Variants in HIGD1A observed in about 807,000 individuals in gnomAD.
The protein encoded by HIGD1A is HIG1 hypoxia inducible domain family member 1A, also known as HIG1 domain family member 1A, mitochondrial.
Under a neutral mutation model 11.3 loss-of-function variants are expected in HIGD1A, and 8 were observed. That is an observed-to-expected ratio of 0.71 (90% CI 0.42 to 1.28). The LOEUF (loss-of-function observed/expected upper bound fraction) is 1.28. Among genes scored for constraint, HIGD1A ranks in the 50% most tolerant of loss-of-function variants. The probability of loss-of-function intolerance (pLI) is 0.01; values close to 1 mark genes in which losing one functional copy is unlikely to be tolerated. For missense variants in HIGD1A, 107 were observed against 118.8 expected, an observed-to-expected ratio of 0.90 and a Z score of 0.46; for synonymous variants, 32 against 38.4, an observed-to-expected ratio of 0.83 and a Z score of 0.62.
Position 42,794,150 on chromosome 3 carries a change from A to G in HIGD1A, c.97+7T>C, listed in dbSNP as rs762471552. 8.1e-6 allele frequency: 13 copies of G among 1,599,316 alleles called. No individual in the cohort carries two copies. The African/African-American group carries it at 1.6e-4, about 20-fold the overall frequency. On this transcript the variant is annotated splice_region_variant and intron_variant, in intron 2 of 3. Coordinates refer to ENST00000321331, the MANE Select transcript of HIGD1A (RefSeq NM_014056.4). ...TTCAAGACTACTAAAATGTCAGTCA[A>G]ACTTACCAACGGGTACGAATGGTGC...
At chr3:42,804,297 A>C (rs1575367384) in intron 1 of HIGD1A, 139 bp downstream of exon 1, 2 of 1,110,566 alleles carry the variant, frequency 1.8e-6, no homozygotes, top group Non-Finnish European at 2.6e-6. Context: ...CGGCAACTCC[A>C]CCTCTCCTCC....
chr3:42,787,594 A>AAAAAAAAATAT (rs1383516264), intron 2 of HIGD1A, among the ~76,000 whole-genome samples: 16 of 141,244 alleles, frequency 1.1e-4, no homozygotes, highest in East Asian at 8.4e-4. Flanking sequence ...CCATCTCAAA[A>AAAAAAAAATAT]ATATATATAT....
At position 42,786,286 on chromosome 3, in the gene HIGD1A, T is replaced by C. The variant is rs376723958; in HGVS notation, c.98-124A>G. 23 of 1,127,116 alleles carry C rather than the reference T, an allele frequency of 2.0e-5. No homozygotes were observed. In the South Asian group the frequency reaches 2.5e-4, roughly 12 times the overall value. 69.8% of individuals were successfully genotyped at this position (1,127,116 alleles called of 1,614,324 possible). ...TTATCAGATCATTAATTAGCTAACA[T>C]ACAAATTGAGTTTTTCATGTTTTCC... On this transcript the variant is annotated intron_variant, in intron 2 of 3. Transcript: ENST00000321331.
intron 2 of HIGD1A, among the ~76,000 whole-genome samples, chr3:42,790,504 G>T (rs1700410995): frequency 6.6e-6 from 1 of 152,214 alleles, no homozygotes; most frequent in Non-Finnish European, 1.5e-5. Flanking sequence ...CTGCACTCCA[G>T]CCTGAGCGAC....
chr3:42,793,977 G>GA lies in HIGD1A; in HGVS notation c.97+179dup, dbSNP rs1700461162. Among the ~76,000 whole-genome samples, 4 of 149,262 alleles carry GA rather than the reference G, an allele frequency of 2.7e-5. No homozygotes were observed. The East Asian group carries it at 5.9e-4, about 22-fold the overall frequency. Reference sequence around the variant, plus strand: ...GTGAAAGAGACCCTGTCTCCAAAAAGAAAAAAAAAGTCTGAATACATACAG... The same window carrying GA: ...GTGAAAGAGACCCTGTCTCCAAAAAGAAAAAAAAAAGTCTGAATACATACAG... On this transcript the variant is annotated intron_variant, in intron 2 of 3. Coordinates refer to ENST00000321331, the MANE Select transcript of HIGD1A (RefSeq NM_014056.4).
In HIGD1A at chr3:42,803,753, C is replaced by G. The variant is rs192006791; in HGVS notation, c.-23+683G>C. The stretch of plus-strand genomic sequence containing the variant: ...TGCATCATGTCGGCTGCTCCTAATT[C>G]TGCCCTTACGCTGTGCTTTGTAATC... On this transcript the variant is annotated intron_variant, in intron 1 of 3. Transcript: ENST00000321331. 2.0e-5 allele frequency among the ~76,000 whole-genome samples: 3 copies of G among 152,368 alleles called. No individual in the cohort carries two copies. The East Asian group carries it at 5.8e-4, about 29-fold the overall frequency.
At chr3:42,796,382 T>A (rs1426169920) in intron 1 of HIGD1A, among the ~76,000 whole-genome samples, 2 of 151,948 alleles carry the variant, frequency 1.3e-5, no homozygotes, top group Non-Finnish European at 2.9e-5. Flanking sequence ...ACTATATATC[T>A]GAATAATACA....
chr3:42,786,255 G>C, intron 2 of HIGD1A, 93 bp from the exon 3 acceptor site: 2 of 1,393,052 alleles, frequency 1.4e-6, no homozygotes, highest in Non-Finnish European at 2.0e-6. Context: ...TTTTTATGAG[G>C]ATTCTTTATC....
chr3:42,785,342 T>A, intron 3 of HIGD1A, 22 bp from the exon 4 acceptor site: 1 of 1,588,312 alleles, frequency 6.3e-7, no homozygotes, highest in East Asian at 2.2e-5. Context: ...GAATGCTAGT[T>A]AAGCATTTCA....
In HIGD1A at chr3:42,794,166, C is replaced by T. The variant is rs1316067298; in HGVS notation, c.88G>A (p.Val30Ile). Reference protein sequence around the residue: ...LIRKAKEAPFVPVGIAGFAAI... With the variant: ...LIRKAKEAPFIPVGIAGFAAI... The stretch of plus-strand genomic sequence containing the variant: ...TGTCAGTCAAACTTACCAACGGGTA[C>T]GAATGGTGCCTCTTTAGCTTTTCGA... The change falls in exon 2 of 4, where the codon GTA becomes ATA. Residue 30 changes from valine to isoleucine, a missense_variant. By Grantham distance (29) the Val-to-Ile change is conservative. Transcript: ENST00000321331. 1.1e-5 allele frequency: 18 copies of T among 1,601,484 alleles called. No homozygotes were observed. Among genetic ancestry groups the T allele is most frequent in the Middle Eastern group, 1.9e-4 (1 of 5,326 alleles).
chr3:42,799,615 G>T (rs932126448), intron 1 of HIGD1A, among the ~76,000 whole-genome samples: 3 of 147,592 alleles, frequency 2.0e-5, no homozygotes, highest in African/African-American at 5.0e-5. Flanking sequence ...ACCATGCCTG[G>T]TTTTTTTTTT....
Position 42,785,100 on chromosome 3 carries a change from C to T in HIGD1A, c.*171G>A, listed in dbSNP as rs901390169. On this transcript the variant is annotated 3_prime_UTR_variant, in exon 4 of 4. Transcript: ENST00000321331. ...GTTAGTAAACTAGTCACTAGTAATT[C>T]GGTCACCAAGCAAATCAAGCCTGCA... is the stretch of plus-strand genomic sequence containing the variant. 1.7e-5 allele frequency: 9 copies of T among 531,988 alleles called. No individual in the cohort carries two copies. The highest frequency in any genetic ancestry group is 5.1e-4 in the Middle Eastern group (1 of 1,944). 33.0% of individuals were successfully genotyped at this position (531,988 alleles called of 1,614,324 possible). A position where few individuals can be genotyped will look rare whatever the true frequency, so the allele number is the denominator to read the frequency against.
At position 42,783,460 on chromosome 3, in the gene HIGD1A, C is replaced by G. The variant is rs781341059; in HGVS notation, c.*1811G>C. On this transcript the variant is annotated 3_prime_UTR_variant, in exon 4 of 4. Coordinates refer to ENST00000321331, the MANE Select transcript of HIGD1A (RefSeq NM_014056.4). ...TGAAACCTCGCCTTTACTAAAAACA[C>G]AAAAATTAGCCCGACATGGTGGCGC... 7.9e-5 allele frequency among the ~76,000 whole-genome samples: 12 copies of G among 151,848 alleles called. No individual in the cohort carries two copies. The highest frequency in any genetic ancestry group is 1.6e-4 in the Non-Finnish European group (11 of 67,952).
rs189179668 is a variant in HIGD1A at position 42,784,159 on chromosome 3, A to G, written c.*1112T>C. 13 of 152,276 alleles carry G rather than the reference A, an allele frequency of 8.5e-5. No homozygotes were observed. The East Asian group carries it at 2.5e-3, about 29-fold the overall frequency. 9.4% of individuals were successfully genotyped at this position (152,276 alleles called of 1,614,324 possible). A position where few individuals can be genotyped will look rare whatever the true frequency, so the allele number is the denominator to read the frequency against. On this transcript the variant is annotated 3_prime_UTR_variant, in exon 4 of 4. Transcript: ENST00000321331. ...GGAAAAAAAATAAAACATACCATAA[A>G]GTAAAATATTTTTAAAATCGTTGAA...
intron 1 of HIGD1A, among the ~76,000 whole-genome samples, chr3:42,795,151 T>G (rs1471506711): frequency 5.9e-5 from 9 of 151,814 alleles, no homozygotes. Context: ...CCTCACGTGA[T>G]CCACCCACCT....
chr3:42,793,228 C>T (rs184922327), intron 2 of HIGD1A, among the ~76,000 whole-genome samples: 1 of 151,962 alleles, frequency 6.6e-6, no homozygotes, highest in East Asian at 1.9e-4. Flanking sequence ...AATTTATATA[C>T]TATAAATTTC....
intron 1 of HIGD1A, among the ~76,000 whole-genome samples, chr3:42,796,287 C>T (rs908115878): frequency 2.0e-5 from 3 of 152,228 alleles, no homozygotes; most frequent in African/African-American, 4.8e-5. Context: ...TCTTTTTGTA[C>T]TCCATTACTT....
intron 1 of HIGD1A, 143 bp from the exon 2 acceptor site, chr3:42,794,418 A>G (rs958225948): frequency 1.7e-5 from 13 of 773,910 alleles, no homozygotes; most frequent in Admixed American, 4.0e-5. Flanking sequence ...ATATTTTTAG[A>G]AATTAACTGT....
chr3:42,796,833 G>A (rs1700505583), intron 1 of HIGD1A, among the ~76,000 whole-genome samples: 1 of 150,198 alleles, frequency 6.7e-6, no homozygotes, highest in Non-Finnish European at 1.5e-5. Flanking sequence ...AATATCTCAA[G>A]CACTGATCTT....
Sources: gnomAD v4.1 joint callset for allele counts (sites outside exome capture counted in the v4.1 genomes callset) on GRCh38, gnomAD v4.1.1 for gene constraint, MANE v1.5 for transcripts, NCBI Gene and HGNC (gene_info 2026-07-23, HGNC 2026-07-21) for gene names.